LRP2: variants seen among roughly 807,000 people sequenced by gnomAD.
LRP2 encodes the protein low-density lipoprotein receptor-related protein 2.
LRP2 carries 172 observed loss-of-function variants against 531.0 expected under a neutral mutation model. The observed-to-expected ratio is 0.32, with a 90% confidence interval of 0.29 to 0.37. The LOEUF (loss-of-function observed/expected upper bound fraction) is 0.37. Ranked by LOEUF, LRP2 falls within the 10% of genes least tolerant of loss-of-function variation. LRP2 has a pLI of 1.00. For missense variants in LRP2, 5,167 were observed against 5,868.3 expected (o/e 0.88, Z 3.90); for synonymous variants, 1,992 against 2,027.6 (o/e 0.98, Z 0.47).
At chr2:169,172,658 G>C (rs1011473487) in intron 57 of LRP2, among the ~76,000 whole-genome samples, 2 of 152,172 alleles carry the variant, frequency 1.3e-5, no homozygotes, top group Admixed American at 6.5e-5. Context: ...GAAAATCAGA[G>C]AGACATTCAG....
chr2:169,274,995 A>C (rs780583842), intron 14 of LRP2, 41 bp downstream of exon 14: 3 of 1,595,212 alleles, frequency 1.9e-6, no homozygotes, highest in Non-Finnish European at 2.6e-6. Flanking sequence ...CTTTCCACCA[A>C]GTCCGGTACC....
intron 28 of LRP2, 79 bp downstream of exon 28, chr2:169,237,023 TA>T: frequency 8.3e-7 from 1 of 1,199,720 alleles, no homozygotes. Flanking sequence ...GCAACATGCA[TA>T]TCAGCTACAT....
In LRP2 at chr2:169,283,007, A is replaced by G; in HGVS notation, c.1043-6T>C. ...TATCTGGCAATCATCAAACTCTGCC[A>G]TATGGAAAATACACATTTGTAGTCA... On this transcript the variant is annotated splice_polypyrimidine_tract_variant and splice_region_variant and intron_variant, in intron 9 of 78. Coordinates refer to ENST00000649046, the MANE Select transcript of LRP2 (RefSeq NM_004525.3). The G allele has an allele frequency of 1.9e-6, 3 of 1,613,948 alleles. No homozygotes were observed. Among genetic ancestry groups the G allele is most frequent in the Non-Finnish European group, 2.5e-6 (3 of 1,179,870 alleles).
chr2:169,157,393 A>T lies in LRP2; in HGVS notation c.11997T>A (p.Val3999=), dbSNP rs1455536609. The T allele has an allele frequency of 3.1e-6, 5 of 1,613,252 alleles. No individual in the cohort carries two copies. In the Admixed American group the frequency reaches 8.3e-5, roughly 27 times the overall value. Reference sequence around the variant, plus strand: ...TACCTAGACAGGAGGTTCTGTCAAAAACATTGGTTTCGAACCCAGCTGTAC... The same window carrying T: ...TACCTAGACAGGAGGTTCTGTCAAATACATTGGTTTCGAACCCAGCTGTAC... The part of the protein sequence containing the change: ...CSCTAGFETN[V]FDRTSCLDIN... The change falls in exon 64 of 79, where the codon GTT becomes GTA. Residue 3999 remains valine (V), a synonymous_variant. Transcript: ENST00000649046.
At position 169,275,250 on chromosome 2, in the gene LRP2, GAC is replaced by G; in HGVS notation, c.1773-14_1773-13del. The G allele has an allele frequency of 1.9e-6, 3 of 1,597,508 alleles. No homozygotes were observed. The highest frequency in any genetic ancestry group is 1.3e-5 in the African/African-American group (1 of 74,634). Reference sequence around the variant, plus strand: ...GAACTACAGTCTTCCTGTTATAAAAGACACATATATATCATACAATTTGTTAG... The same window carrying G: ...GAACTACAGTCTTCCTGTTATAAAAGACATATATATCATACAATTTGTTAG... On this transcript the variant is annotated splice_polypyrimidine_tract_variant and intron_variant, in intron 13 of 78. Coordinates refer to ENST00000649046, the MANE Select transcript of LRP2 (RefSeq NM_004525.3).
At chr2:169,246,479 A>C (rs1179272996) in intron 21 of LRP2, among the ~76,000 whole-genome samples, 2 of 152,168 alleles carry the variant, frequency 1.3e-5, no homozygotes, top group Non-Finnish European at 2.9e-5. Flanking sequence ...AATGTCAAGG[A>C]AAAAAATTGT....
In LRP2 at chr2:169,206,536, G is replaced by A; in HGVS notation, c.7184C>T (p.Ser2395Phe). The A allele has an allele frequency of 6.2e-7, 1 of 1,614,204 alleles. No individual in the cohort carries two copies. Among genetic ancestry groups the A allele is most frequent in the East Asian group, 2.2e-5 (1 of 44,882 alleles). Residue 2395 changes from serine (S) to phenylalanine (F), a missense_variant, in exon 39 of 79, where the codon TCT (serine) becomes TTT (phenylalanine). Ser to Phe is a radical substitution (Grantham distance 155, BLOSUM62 -2). Around this residue, in one of 6 missense-constraint regions of LRP2, gnomAD observed 2,811 missense variants for 3,058.0 expected, o/e 0.92. Coordinates refer to ENST00000649046, the MANE Select transcript of LRP2 (RefSeq NM_004525.3). ...CAAGTGTAAGCTTCTCAAGGAATTA[G>A]ACAAGGCAAAGATGAGGAAATTTTC... ...STENFLIFAL[S>F]NSLRSLHLDP... is the part of the protein sequence containing the mutation.
At position 169,157,957 on chromosome 2, in the gene LRP2, T is replaced by TAAATAAAAAAA. The variant is rs568534822; in HGVS notation, c.11888-456_11888-455insTTTTTTTATTT. On this transcript the variant is annotated intron_variant, in intron 63 of 78. Coordinates refer to ENST00000649046, the MANE Select transcript of LRP2 (RefSeq NM_004525.3). ...ATAAATAAATAAATAAATAAATAAA[T>TAAATAAAAAAA]AAAAGACATGGATACAGATAGGTTA... is the stretch of plus-strand genomic sequence containing the variant. 3.4e-5 allele frequency among the ~76,000 whole-genome samples: 5 copies of TAAATAAAAAAA among 146,070 alleles called. No individual in the cohort carries two copies. The East Asian group carries it at 1.0e-3, about 31-fold the overall frequency.
rs1190953017 is a variant in LRP2 at position 169,140,524 on chromosome 2, A to G, written c.13130T>C (p.Leu4377Pro). The G allele has an allele frequency of 6.2e-7, 1 of 1,613,816 alleles. No homozygotes were observed. Among genetic ancestry groups the G allele is most frequent in the Non-Finnish European group, 8.5e-7 (1 of 1,179,846 alleles). ...CDAAIELPIN[L>P]PPPCRCMHGG... ...GTGCATGCACCTGCATGGGGGGGGC[A>G]GGTTGATAGGCAGTTCGATGGCTGC... Residue 4377 changes from leucine (L) to proline (P), a missense_variant, in exon 72 of 79, where the codon CTG becomes CCG. By Grantham distance (98) the Leu-to-Pro change is moderately conservative. Transcript: ENST00000649046.
intron 12 of LRP2, 22 bp from the exon 13 acceptor site, chr2:169,277,973 T>G (rs777015074): frequency 1.3e-6 from 2 of 1,585,404 alleles, no homozygotes; most frequent in Non-Finnish European, 1.7e-6. Context: ...AAACAGAAGA[T>G]GAAAGAATCT....
In LRP2 at chr2:169,344,198, C is replaced by A. The variant is rs547983749; in HGVS notation, c.79+18123G>T. ...GGTTTGTTACATAAGCATGCACATG[C>A]CATGGTGGTTTGCTGCACCCATCAA... On this transcript the variant is annotated intron_variant, in intron 1 of 78. Coordinates refer to ENST00000649046, the MANE Select transcript of LRP2 (RefSeq NM_004525.3). Among the ~76,000 whole-genome samples, 5 of 152,142 alleles carry A rather than the reference C, an allele frequency of 3.3e-5. No homozygotes were observed. The South Asian group carries it at 8.3e-4, about 25-fold the overall frequency.
At chr2:169,346,712 A>G (rs575270899) in intron 1 of LRP2, among the ~76,000 whole-genome samples, 4 of 152,258 alleles carry the variant, frequency 2.6e-5, no homozygotes, top group Non-Finnish European at 5.9e-5. Flanking sequence ...ATTCCCTATT[A>G]ATAGTAATCA....
intron 3 of LRP2, among the ~76,000 whole-genome samples, chr2:169,309,974 T>C (rs1684546280): frequency 6.6e-6 from 1 of 152,186 alleles, no homozygotes; most frequent in Non-Finnish European, 1.5e-5. Context: ...TATTTTATTC[T>C]CTTTGAAGCA....
At chr2:169,231,910 T>C in intron 30 of LRP2, 68 bp from the exon 31 acceptor site, 1 of 1,578,970 alleles carries the variant, frequency 6.3e-7, no homozygotes, top group Non-Finnish European at 8.6e-7. Context: ...AACAGAGTCA[T>C]GCTCTTAGTG....
At position 169,133,442 on chromosome 2, in the gene LRP2, A is replaced by C. The variant is rs1685363785; in HGVS notation, c.13621-761T>G. 2.0e-5 allele frequency among the ~76,000 whole-genome samples: 3 copies of C among 152,232 alleles called. No homozygotes were observed. The South Asian group carries it at 6.2e-4, about 32-fold the overall frequency. On this transcript the variant is annotated intron_variant, in intron 76 of 78. Transcript: ENST00000649046. Reference sequence around the variant, plus strand: ...AATGAAATGTCGTATCTCTTTTATCATGTGATTAAAGTTTTCATATCTGTT... The same window carrying C: ...AATGAAATGTCGTATCTCTTTTATCCTGTGATTAAAGTTTTCATATCTGTT...
chr2:169,175,434 C>T, intron 54 of LRP2, 45 bp from the exon 55 acceptor site: 1 of 1,561,566 alleles, frequency 6.4e-7, no homozygotes, highest in Non-Finnish European at 8.8e-7. Context: ...GCACCAGGGG[C>T]AACAGTTATC....
At chr2:169,299,613 G>A (rs374051958) in intron 4 of LRP2, among the ~76,000 whole-genome samples, 12 of 151,456 alleles carry the variant, frequency 7.9e-5, no homozygotes, top group African/African-American at 2.7e-4. Flanking sequence ...TGCATCAAAT[G>A]CTCCAAGGAA....
intron 35 of LRP2, 150 bp downstream of exon 35, chr2:169,216,103 G>A: frequency 1.2e-6 from 1 of 804,804 alleles, no homozygotes; most frequent in Non-Finnish European, 2.1e-6. Context: ...ACGTGCAAGG[G>A]AGAGAAGTTA....
rs894714849 is a variant in LRP2, at chr2:169,209,567, C to T, written c.6355G>A (p.Ala2119Thr). The T allele has an allele frequency of 5.6e-6, 9 of 1,613,966 alleles. No individual in the cohort carries two copies. The highest frequency in any genetic ancestry group is 3.3e-4 in the Middle Eastern group (2 of 6,084). The change falls in exon 38 of 79, where the codon GCA becomes ACA. Residue 2119 changes from alanine to threonine, a missense_variant. This residue lies in a region of LRP2 where 2,811 missense variants were observed against 3,058.0 expected (regional missense o/e 0.92). Transcript: ENST00000649046. ...ATTCTACGGATCGCATTATCAGATG[C>T]CACTGAGCTGCTAAAATCACACCAA... is the stretch of plus-strand genomic sequence containing the variant. ...IYWCDFSSSV[A>T]SDNAIRRIKP...
Sources: gnomAD v4.1 joint callset for allele counts (sites outside exome capture counted in the v4.1 genomes callset) on GRCh38, gnomAD v4.1.1 for gene constraint, gnomAD v4.1.1 regional missense constraint, MANE v1.5 for transcripts, NCBI Gene and HGNC (gene_info 2026-07-23, HGNC 2026-07-21) for gene names.